ZHX2: variants seen among roughly 807,000 people sequenced by gnomAD.
ZHX2 encodes zinc fingers and homeoboxes 2, also known as zinc fingers and homeoboxes protein 2.
In ZHX2, 6 loss-of-function variants were observed where a neutral mutation model predicts 21.9. That is an observed-to-expected ratio of 0.27 (90% CI 0.15 to 0.54). ZHX2 has a LOEUF of 0.54. Ranked by LOEUF, ZHX2 falls within the 20% of genes least tolerant of loss-of-function variation. ZHX2 has a pLI of 0.95. For synonymous variants in ZHX2, 434 were observed against 437.1 expected, an observed-to-expected ratio of 0.99 and a Z score of 0.09; for missense variants, 908 against 1,090.7, an observed-to-expected ratio of 0.83 and a Z score of 2.36.
intron 1 of ZHX2, among the ~76,000 whole-genome samples, chr8:122,784,889 G>C (rs1817362494): frequency 6.6e-6 from 1 of 152,222 alleles, no homozygotes. Context: ...CTGTTGCAAT[G>C]CAGAGCGCAT....
intron 1 of ZHX2, among the ~76,000 whole-genome samples, chr8:122,851,432 C>A (rs966902093): frequency 1.3e-5 from 2 of 152,016 alleles, no homozygotes; most frequent in South Asian, 2.1e-4. Flanking sequence ...TTAAAAGATA[C>A]CCCCTGCAGG....
intron 2 of ZHX2, among the ~76,000 whole-genome samples, chr8:122,925,464 C>T (rs764662937): frequency 6.6e-6 from 1 of 152,162 alleles, no homozygotes; most frequent in Non-Finnish European, 1.5e-5. Flanking sequence ...GCGAGAAATA[C>T]CCACACAGGT....
chr8:122,913,460 A>G (rs1586383822), intron 2 of ZHX2, among the ~76,000 whole-genome samples: 1 of 152,206 alleles, frequency 6.6e-6, no homozygotes, highest in African/African-American at 2.4e-5. Flanking sequence ...GAGCCTGCCA[A>G]CCTTGAACCT....
At chr8:122,848,980 G>C (rs938791740) in intron 1 of ZHX2, among the ~76,000 whole-genome samples, 1 of 152,236 alleles carries the variant, frequency 6.6e-6, no homozygotes, top group African/African-American at 2.4e-5. Flanking sequence ...CTACCCACTA[G>C]GGTCTCTTCG....
At chr8:122,854,272 T>C (rs1229194977) in intron 1 of ZHX2, among the ~76,000 whole-genome samples, 1 of 152,220 alleles carries the variant, frequency 6.6e-6, no homozygotes, top group East Asian at 1.9e-4. Context: ...CAAGGACTTG[T>C]ACGAATGCAG....
intron 1 of ZHX2, among the ~76,000 whole-genome samples, chr8:122,789,979 G>A (rs1236218533): frequency 1.3e-5 from 2 of 152,220 alleles, no homozygotes; most frequent in African/African-American, 2.4e-5. Context: ...GAACGGAAAC[G>A]GTCTTGATCA....
intron 3 of ZHX2, among the ~76,000 whole-genome samples, chr8:122,972,129 C>T (rs990769050): frequency 2.0e-5 from 3 of 152,334 alleles, no homozygotes; most frequent in Middle Eastern, 3.4e-3. Flanking sequence ...CCTCTATGCA[C>T]ATCTGTCTCT....
Position 122,953,645 on chromosome 8 carries a change from C to A in ZHX2, c.2135C>A (p.Ala712Glu). 1 of 1,614,246 alleles carries A rather than the reference C, an allele frequency of 6.2e-7. No individual in the cohort carries two copies. The highest frequency in any genetic ancestry group is 8.5e-7 in the Non-Finnish European group (1 of 1,180,052). ...GGCTACGATGCCGTAGCAAGGAAAG[C>A]AACAAAACCCATGGCCGAGAGCCCA... Reference protein sequence around the residue: ...DHGYDAVARKATKPMAESPKN... With the variant: ...DHGYDAVARKETKPMAESPKN... The change falls in exon 3 of 4, where the codon GCA becomes GAA. Residue 712 changes from alanine (A) to glutamate (E), a missense_variant. By Grantham distance (107) the Ala-to-Glu change is moderately radical (BLOSUM62 -1). Transcript: ENST00000314393. This position sits in a 1 kb window ranked among gnomAD's most constrained non-coding sequence, Gnocchi z 4.6.
chr8:122,802,548 GCCCCCA>G lies in ZHX2; in HGVS notation c.-283+20604_-283+20609del, dbSNP rs1174405463. 3.9e-5 allele frequency among the ~76,000 whole-genome samples: 6 copies of G among 152,234 alleles called. No homozygotes were observed. In the East Asian group the frequency reaches 9.6e-4, roughly 24 times the overall value. ...AAGGACTTGCCTTTCCACCCAGATT[GCCCCCA>G]CAGAACTGTCATGACGTTTCCGTGG... is the stretch of plus-strand genomic sequence containing the variant. On this transcript the variant is annotated intron_variant, in intron 1 of 3. Coordinates refer to ENST00000314393, the MANE Select transcript of ZHX2 (RefSeq NM_014943.5).
At chr8:122,785,077 A>G (rs1366462225) in intron 1 of ZHX2, among the ~76,000 whole-genome samples, 2 of 152,366 alleles carry the variant, frequency 1.3e-5, no homozygotes, top group East Asian at 1.9e-4. Context: ...GATAAGTGCT[A>G]TGATTGAGAA....
intron 2 of ZHX2, among the ~76,000 whole-genome samples, chr8:122,949,362 T>C (rs1221695573): frequency 1.3e-5 from 2 of 152,148 alleles, no homozygotes; most frequent in African/African-American, 4.8e-5. Flanking sequence ...GGAAAAGTTT[T>C]GCAACAAACT....
intron 2 of ZHX2, among the ~76,000 whole-genome samples, chr8:122,911,939 G>C (rs934268363): frequency 1.3e-5 from 2 of 152,150 alleles, no homozygotes; most frequent in Non-Finnish European, 2.9e-5. Flanking sequence ...CTCCCCTAAG[G>C]CTCTGAGGCC....
intron 1 of ZHX2, among the ~76,000 whole-genome samples, chr8:122,861,322 C>T (rs891876900): frequency 3.8e-4 from 58 of 152,188 alleles, no homozygotes; most frequent in Non-Finnish European, 1.3e-4. Context: ...ACTACTTCCA[C>T]ATTTTATGGA....
At chr8:122,820,742 G>A (rs913401141) in intron 1 of ZHX2, among the ~76,000 whole-genome samples, 11 of 152,156 alleles carry the variant, frequency 7.2e-5, no homozygotes, top group Non-Finnish European at 1.0e-4. Flanking sequence ...TCAACTCCAC[G>A]AGATGGTTTT....
intron 2 of ZHX2, among the ~76,000 whole-genome samples, chr8:122,871,671 G>GTATATATATA (rs374444747): frequency 3.6e-4 from 45 of 125,478 alleles, no homozygotes; most frequent in African/African-American, 1.3e-3. Context: ...AGAACTTAAA[G>GTATATATATA]TATATATATA....
chr8:122,953,234 C>T lies in ZHX2; in HGVS notation c.1724C>T (p.Ser575Phe). ...ETKLSRREID[S>F]WFSERRKLRD... is the part of the protein sequence containing the mutation. ...AAGCTGAGCAGGAGAGAGATCGACT[C>T]CTGGTTCTCGGAGAGGCGGAAGCTT... The change falls in exon 3 of 4, where the codon TCC becomes TTC. Residue 575 changes from serine (S) to phenylalanine (F), a missense_variant. By Grantham distance (155) the Ser-to-Phe change is radical (BLOSUM62 -2). This residue lies in a region of ZHX2 where 431 missense variants were observed against 428.6 expected (regional missense o/e 1.01). Coordinates refer to ENST00000314393, the MANE Select transcript of ZHX2 (RefSeq NM_014943.5). This position sits in a 1 kb window ranked among gnomAD's most constrained non-coding sequence, Gnocchi z 4.6. 1.9e-6 allele frequency: 3 copies of T among 1,613,896 alleles called. No homozygotes were observed. The highest frequency in any genetic ancestry group is 2.5e-6 in the Non-Finnish European group (3 of 1,179,982).
Position 122,827,438 on chromosome 8 carries a change from G to C in ZHX2, c.-282-36039G>C, listed in dbSNP as rs142917872. ...GCTAACATTTGTGTGCTTTCTCAGT[G>C]CCAAGCACTGTGCCAAGTGCAGGAC... On this transcript the variant is annotated intron_variant, in intron 1 of 3. Transcript: ENST00000314393. 3.7e-3 allele frequency among the ~76,000 whole-genome samples: 564 copies of C among 152,226 alleles called. 4 individuals are homozygous for C. Among genetic ancestry groups the C allele is most frequent in the African/African-American group, 0.013 (537 of 41,526 alleles).
chr8:122,826,982 G>T (rs1333753928), intron 1 of ZHX2, among the ~76,000 whole-genome samples: 1 of 152,160 alleles, frequency 6.6e-6, no homozygotes, highest in East Asian at 1.9e-4. Context: ...GCCTAGGATG[G>T]ATGAATTTAG....
At position 122,839,195 on chromosome 8, in the gene ZHX2, G is replaced by A. The variant is rs528737631; in HGVS notation, c.-282-24282G>A. Among the ~76,000 whole-genome samples the A allele has an allele frequency of 5.3e-4, 80 of 151,500 alleles. No individual in the cohort carries two copies. The South Asian group carries it at 0.016, about 30-fold the overall frequency. ...ACTAGAATGTGGCATTGCTCTCTGT[G>A]GGCCCATCCGCACTCCATTCAGCCA... On this transcript the variant is annotated intron_variant, in intron 1 of 3. Coordinates refer to ENST00000314393, the MANE Select transcript of ZHX2 (RefSeq NM_014943.5).
Sources: allele counts gnomAD v4.1 joint callset (sites outside exome capture counted in the v4.1 genomes callset), GRCh38; gene constraint gnomAD v4.1.1; regional missense constraint gnomAD v4.1.1; non-coding constraint Gnocchi (gnomAD v3.1); transcripts MANE v1.5; gene names NCBI Gene and HGNC (gene_info 2026-07-23, HGNC 2026-07-21).